The following CATSPERG variants were observed in gnomAD, a reference collection of about 807,000 sequenced individuals.
The protein encoded by CATSPERG is catsper channel auxiliary subunit gamma, also known as cation channel sperm-associated auxiliary subunit gamma.
In CATSPERG, 115 loss-of-function variants were observed where a neutral mutation model predicts 145.0. The ratio of observed to expected loss-of-function variants is 0.79; its 90% CI spans 0.68 to 0.93. CATSPERG has a LOEUF of 0.93. Ranked by LOEUF, CATSPERG falls within the 40% of genes least tolerant of loss-of-function variation. The pLI, the probability that CATSPERG is intolerant of heterozygous loss-of-function variation, is 0.00. For synonymous variants in CATSPERG, 588 were observed against 589.0 expected (o/e 1.00, Z 0.02); for missense variants, 1,296 against 1,490.1 (o/e 0.87, Z 2.14).
chr19:38,368,190 G>C, intron 26 of CATSPERG, 53 bp downstream of exon 26: 13 of 1,505,368 alleles, frequency 8.6e-6, no homozygotes, highest in Non-Finnish European at 1.2e-5. Flanking sequence ...AGTCCATTGG[G>C]CCCACCTATC....
chr19:38,352,718 C>G (rs986371691), intron 8 of CATSPERG, among the ~76,000 whole-genome samples: 1 of 149,994 alleles, frequency 6.7e-6, no homozygotes, highest in Non-Finnish European at 1.5e-5. Context: ...GGCAGACCCA[C>G]GCGTGTGCCC....
chr19:38,370,519 C>A lies in CATSPERG; in HGVS notation c.3214-7C>A. ...CCAACTCCTTACTCATTCTTTGCTC[C>A]CTGCAGGTGTCAGCTAGCGTGTTTG... is the stretch of plus-strand genomic sequence containing the variant. On this transcript the variant is annotated splice_region_variant and splice_polypyrimidine_tract_variant and intron_variant, in intron 28 of 28. Coordinates refer to ENST00000409235, the MANE Select transcript of CATSPERG (RefSeq NM_021185.5). The A allele has an allele frequency of 6.2e-7, 1 of 1,614,130 alleles. No individual in the cohort carries two copies. Among genetic ancestry groups the A allele is most frequent in the Non-Finnish European group, 8.5e-7 (1 of 1,180,004 alleles).
intron 11 of CATSPERG, among the ~76,000 whole-genome samples, chr19:38,357,515 C>CAAAAAAAAAA (rs3033507): frequency 1.1e-4 from 15 of 134,118 alleles, no homozygotes; most frequent in African/African-American, 2.2e-4. Context: ...GACCCGGTCT[C>CAAAAAAAAAA]AAAAAAAAAA....
At chr19:38,346,652 TG>T (rs772711111) in intron 7 of CATSPERG, 47 bp downstream of exon 7, 5 of 1,506,552 alleles carry the variant, frequency 3.3e-6, no homozygotes, top group Non-Finnish European at 4.5e-6. Flanking sequence ...TGGAGGGAGC[TG>T]GGCCTCAGCC....
chr19:38,370,871 A>G lies in CATSPERG; in HGVS notation c.*79A>G. 6.9e-7 allele frequency: 1 copy of G among 1,456,868 alleles called. No homozygotes were observed. The highest frequency in any genetic ancestry group is 1.2e-5 in the South Asian group (1 of 82,548). 90.2% of individuals were successfully genotyped at this position (1,456,868 alleles called of 1,614,324 possible). On this transcript the variant is annotated 3_prime_UTR_variant, in exon 29 of 29. Coordinates refer to ENST00000409235, the MANE Select transcript of CATSPERG (RefSeq NM_021185.5). Reference sequence around the variant, plus strand: ...ATCTTGAAGATGCAACCTGTCACCCAGCCCAGGCCTCTCTTTCTGTTTTGC... The same window carrying G: ...ATCTTGAAGATGCAACCTGTCACCCGGCCCAGGCCTCTCTTTCTGTTTTGC...
chr19:38,364,806 G>T, intron 20 of CATSPERG, 85 bp from the exon 21 acceptor site: 11 of 1,083,476 alleles, frequency 1.0e-5, no homozygotes, highest in Non-Finnish European at 1.6e-5. Flanking sequence ...CCTCGCCCCA[G>T]CTATGGGTTA....
At chr19:38,336,189 AG>A (rs763630097) in intron 1 of CATSPERG, 4 of 456,000 alleles carry the variant, frequency 8.8e-6, no homozygotes, top group Non-Finnish European at 1.8e-5. Flanking sequence ...TCGCGGTACG[AG>A]GGGAAGGTGA....
chr19:38,352,929 C>T (rs918753142), intron 8 of CATSPERG, among the ~76,000 whole-genome samples: 13 of 147,504 alleles, frequency 8.8e-5, no homozygotes, highest in African/African-American at 2.3e-4. Context: ...AAGAGGCTGA[C>T]GGGAGGGGGC....
At chr19:38,351,226 G>T (rs895378295) in intron 7 of CATSPERG, among the ~76,000 whole-genome samples, 1 of 152,166 alleles carries the variant, frequency 6.6e-6, no homozygotes, top group Non-Finnish European at 1.5e-5. Context: ...TTTCCAATGA[G>T]GCTGAGGCGG....
chr19:38,367,940 C>A, intron 25 of CATSPERG, 108 bp from the exon 26 acceptor site: 1 of 1,184,048 alleles, frequency 8.4e-7, no homozygotes, highest in Non-Finnish European at 1.3e-6. Context: ...GCCCCTAACA[C>A]CATGTCCCCT....
At chr19:38,343,786 C>T in intron 4 of CATSPERG, 62 bp downstream of exon 4, 1 of 1,510,574 alleles carries the variant, frequency 6.6e-7, no homozygotes, top group South Asian at 1.2e-5. Flanking sequence ...TGCTGGGGGC[C>T]TCTGTGGGGC....
At chr19:38,356,413 T>G in intron 9 of CATSPERG, 71 bp from the exon 10 acceptor site, 3 of 1,431,244 alleles carry the variant, frequency 2.1e-6, no homozygotes, top group Non-Finnish European at 2.9e-6. Context: ...AGGAGGGCAA[T>G]CGGAGTTGGC....
chr19:38,370,398 T>C, intron 28 of CATSPERG, 128 bp from the exon 29 acceptor site: 1 of 1,417,600 alleles, frequency 7.1e-7, no homozygotes, highest in African/African-American at 1.4e-5. Context: ...TGCCACAGGC[T>C]GTCTACTCAT....
At chr19:38,345,603 C>T (rs917052979) in intron 6 of CATSPERG, among the ~76,000 whole-genome samples, 3 of 151,832 alleles carry the variant, frequency 2.0e-5, no homozygotes, top group Admixed American at 1.3e-4. Flanking sequence ...CTCCCGGGTA[C>T]AAGCAATTCT....
At position 38,362,721 on chromosome 19, in the gene CATSPERG, C is replaced by T; in HGVS notation, c.2364C>T (p.Ala788=). 1 of 1,614,108 alleles carries T rather than the reference C, an allele frequency of 6.2e-7. No individual in the cohort carries two copies. The highest frequency in any genetic ancestry group is 8.5e-7 in the Non-Finnish European group (1 of 1,179,996). Residue 788 remains alanine (A), a synonymous_variant, in exon 20 of 29, where the codon GCC becomes GCT. Transcript: ENST00000409235. ...SFRTQSELGT[A]FQLHSQVDVG... ...GTTTACTGCCCGGAGCAGGCACCGC[C>T]TTCCAGCTGCATAGCCAGGTGGACG...
At chr19:38,360,881 TC>T (rs1970333304) in intron 16 of CATSPERG, 38 bp downstream of exon 16, 1 of 1,501,500 alleles carries the variant, frequency 6.7e-7, no homozygotes, top group African/African-American at 1.4e-5. Flanking sequence ...GTCTGAGGGC[TC>T]CCGGCACTGC....
chr19:38,367,986 G>A (rs1008949922), intron 25 of CATSPERG, 62 bp from the exon 26 acceptor site: 19 of 1,477,496 alleles, frequency 1.3e-5, no homozygotes, highest in Non-Finnish European at 1.8e-5. Context: ...ACTGACCACT[G>A]AGGTCATACC....
At chr19:38,340,796 G>C (rs1480877120) in intron 3 of CATSPERG, among the ~76,000 whole-genome samples, 2 of 151,914 alleles carry the variant, frequency 1.3e-5, no homozygotes, top group East Asian at 1.9e-4. Context: ...CTTTCAATTA[G>C]ACAGGGTCTC....
intron 3 of CATSPERG, among the ~76,000 whole-genome samples, chr19:38,340,458 C>A (rs147675829): frequency 0.015 from 2,304 of 151,490 alleles, 25 homozygotes; most frequent in Middle Eastern, 0.044. Flanking sequence ...GTAGCTGGGA[C>A]TACAGATGTG....
Sources: gnomAD v4.1 joint callset for allele counts (sites outside exome capture counted in the v4.1 genomes callset) on GRCh38, gnomAD v4.1.1 for gene constraint, MANE v1.5 for transcripts, NCBI Gene and HGNC (gene_info 2026-07-23, HGNC 2026-07-21) for gene names.